RBMS3: variants seen among roughly 807,000 people sequenced by gnomAD.
RBMS3 encodes the protein RNA binding motif single stranded interacting protein 3.
Under a neutral mutation model 66.8 loss-of-function variants are expected in RBMS3, and 27 were observed. The observed-to-expected ratio is 0.40, with a 90% CI of 0.30 to 0.56. The LOEUF is 0.56. Among genes scored for constraint, RBMS3 ranks in the 20% least tolerant of loss-of-function variants. The probability of loss-of-function intolerance (pLI) is 0.40; values close to 1 mark genes in which losing one functional copy is unlikely to be tolerated. For synonymous variants in RBMS3, 188 were observed against 183.0 expected, an observed-to-expected ratio of 1.03 and a Z score of -0.22; for missense variants, 513 against 549.5, an observed-to-expected ratio of 0.93 and a Z score of 0.66.
chr3:29,830,255 A>G (rs1459610500), intron 6 of RBMS3, among the ~76,000 whole-genome samples: 9 of 152,150 alleles, frequency 5.9e-5, no homozygotes, highest in African/African-American at 2.2e-4. Flanking sequence ...TTTTAAAGCA[A>G]TTTGACTAAA....
In RBMS3 at chr3:29,947,912, C is replaced by T. The variant is rs1004298397; in HGVS notation, c.1098+3658C>T. ...TAGAGAACTAAAGTAGAATCAAAATCTGTCCTCTTTTTCTAAAAAGCTTTG... is the reference window on the plus strand; with the variant it reads ...TAGAGAACTAAAGTAGAATCAAAATTTGTCCTCTTTTTCTAAAAAGCTTTG... On this transcript the variant is annotated intron_variant, in intron 12 of 14. Coordinates refer to ENST00000383767, the MANE Select transcript of RBMS3 (RefSeq NM_001003793.3). Among the ~76,000 whole-genome samples the T allele has an allele frequency of 4.0e-5, 6 of 151,008 alleles. No homozygotes were observed. The Admixed American group carries it at 4.0e-4, about 10-fold the overall frequency.
Position 29,952,029 on chromosome 3 carries a change from A to G in RBMS3, c.1098+7775A>G, listed in dbSNP as rs1002521498. ...ACACTTATAACTTATTAAAACTTTAATAACAGTCTTTGAAATGGCAACAGT... is the reference window on the plus strand; with the variant it reads ...ACACTTATAACTTATTAAAACTTTAGTAACAGTCTTTGAAATGGCAACAGT... On this transcript the variant is annotated intron_variant, in intron 12 of 14. Coordinates refer to ENST00000383767, the MANE Select transcript of RBMS3 (RefSeq NM_001003793.3). Among the ~76,000 whole-genome samples the G allele has an allele frequency of 4.6e-5, 7 of 151,972 alleles. No individual in the cohort carries two copies. The South Asian group carries it at 1.5e-3, about 32-fold the overall frequency.
chr3:29,712,740 C>T (rs2053228230), intron 4 of RBMS3, among the ~76,000 whole-genome samples: 1 of 152,178 alleles, frequency 6.6e-6, no homozygotes, highest in African/African-American at 2.4e-5. Context: ...TGGCTCCCTT[C>T]TGAAGCTGGA....
chr3:29,306,027 G>A (rs2033985246), intron 1 of RBMS3, among the ~76,000 whole-genome samples: 1 of 151,936 alleles, frequency 6.6e-6, no homozygotes, highest in African/African-American at 2.4e-5. Context: ...AATGGCACAT[G>A]TGTCTTCACA....
At chr3:29,678,480 C>T (rs1272668054) in intron 4 of RBMS3, among the ~76,000 whole-genome samples, 2 of 151,958 alleles carry the variant, frequency 1.3e-5, no homozygotes, top group African/African-American at 4.8e-5. Flanking sequence ...GATTAATAAC[C>T]AACCAAGATT....
intron 4 of RBMS3, chr3:29,615,026 AT>A: frequency 6.6e-6 from 1 of 152,366 alleles, no homozygotes. Flanking sequence ...AATTATTCCA[AT>A]TTGAAAAACA....
chr3:29,615,885 A>G (rs1267888238), intron 4 of RBMS3: 1 of 152,358 alleles, frequency 6.6e-6, no homozygotes, highest in East Asian at 1.9e-4. Flanking sequence ...GTTAAGAGAC[A>G]TAACATGATG....
intron 4 of RBMS3, among the ~76,000 whole-genome samples, chr3:29,624,085 C>T (rs2048971973): frequency 6.6e-6 from 1 of 152,182 alleles, no homozygotes; most frequent in Non-Finnish European, 1.5e-5. Flanking sequence ...TCTAAAAACT[C>T]ATATTTGCGA....
intron 4 of RBMS3, among the ~76,000 whole-genome samples, chr3:29,737,658 G>A (rs568369686): frequency 6.6e-6 from 1 of 152,118 alleles, no homozygotes; most frequent in East Asian, 1.9e-4. Context: ...CGTAGATAAG[G>A]TTCATTATTA....
At chr3:29,337,932 A>G (rs1449995361) in intron 1 of RBMS3, among the ~76,000 whole-genome samples, 1 of 152,170 alleles carries the variant, frequency 6.6e-6, no homozygotes, top group African/African-American at 2.4e-5. Flanking sequence ...GGTCACTTGG[A>G]AAACAACTCT....
chr3:29,289,561 T>C (rs1298639641), intron 1 of RBMS3, among the ~76,000 whole-genome samples: 4 of 151,714 alleles, frequency 2.6e-5, no homozygotes, highest in Admixed American at 1.3e-4. Context: ...AATATAGACA[T>C]ATAAAAAGGC....
intron 6 of RBMS3, among the ~76,000 whole-genome samples, chr3:29,770,325 G>A (rs1212383690): frequency 6.6e-6 from 1 of 151,902 alleles, no homozygotes; most frequent in African/African-American, 2.4e-5. Flanking sequence ...CCTAGAGAAA[G>A]TACCACATTA....
intron 3 of RBMS3, among the ~76,000 whole-genome samples, chr3:29,576,569 T>C (rs2047128164): frequency 6.6e-6 from 1 of 152,208 alleles, no homozygotes; most frequent in Non-Finnish European, 1.5e-5. Context: ...ACCTTCAGGA[T>C]GGCAAGTTTC....
chr3:29,398,775 A>G (rs1418018639), intron 1 of RBMS3, among the ~76,000 whole-genome samples: 1 of 152,168 alleles, frequency 6.6e-6, no homozygotes. Flanking sequence ...ACATGCCATG[A>G]ATAAAACTAA....
chr3:29,493,458 A>T (rs1178640979), intron 3 of RBMS3, among the ~76,000 whole-genome samples: 1 of 152,198 alleles, frequency 6.6e-6, no homozygotes, highest in African/African-American at 2.4e-5. Context: ...GTGTGTTGTG[A>T]TGATTAACAA....
At chr3:29,485,667 T>C (rs1234047493) in intron 2 of RBMS3, among the ~76,000 whole-genome samples, 1 of 152,178 alleles carries the variant, frequency 6.6e-6, no homozygotes, top group Non-Finnish European at 1.5e-5. Context: ...CCCAAGGAAG[T>C]AGACTGTGGA....
chr3:29,387,453 T>A (rs901440305), intron 1 of RBMS3, among the ~76,000 whole-genome samples: 3 of 152,186 alleles, frequency 2.0e-5, no homozygotes, highest in Non-Finnish European at 4.4e-5. Context: ...ATGGCTCTAC[T>A]TGACTGTTTT....
chr3:29,452,822 TA>T (rs753183203), intron 2 of RBMS3, among the ~76,000 whole-genome samples: 48 of 152,152 alleles, frequency 3.2e-4, no homozygotes, highest in Admixed American at 7.9e-4. Context: ...AATTTTATAA[TA>T]AACAGAATAA....
At chr3:29,831,120 C>G (rs1026834434) in intron 6 of RBMS3, among the ~76,000 whole-genome samples, 3 of 152,106 alleles carry the variant, frequency 2.0e-5, no homozygotes, top group Non-Finnish European at 4.4e-5. Context: ...CTGCCTGAAA[C>G]TTTACTCAGG....
Sources: gnomAD v4.1 joint callset for allele counts (sites outside exome capture counted in the v4.1 genomes callset) on GRCh38, gnomAD v4.1.1 for gene constraint, MANE v1.5 for transcripts, NCBI Gene and HGNC (gene_info 2026-07-23, HGNC 2026-07-21) for gene names.